TRHDE: variants seen among roughly 807,000 people sequenced by gnomAD.
TRHDE encodes thyrotropin-releasing hormone-degrading ectoenzyme.
TRHDE carries 72 observed loss-of-function variants against 125.7 expected under a neutral mutation model. That is an observed-to-expected ratio of 0.57 (90% confidence interval 0.47 to 0.70). The LOEUF is 0.70. Ranked by LOEUF, TRHDE falls within the 30% of genes least tolerant of loss-of-function variation. The pLI, the probability that TRHDE is intolerant of heterozygous loss-of-function variation, is 0.00. For missense variants in TRHDE, 1,110 were observed against 1,327.1 expected, an observed-to-expected ratio of 0.84 and a Z score of 2.54; for synonymous variants, 509 against 509.1, an observed-to-expected ratio of 1.00 and a Z score of 0.00.
chr12:72,580,155 T>C (rs1294305897), intron 12 of TRHDE, among the ~76,000 whole-genome samples: 1 of 152,180 alleles, frequency 6.6e-6, no homozygotes, highest in African/African-American at 2.4e-5. Context: ...CTTTTCAAAT[T>C]TGAGTTTTCC....
chr12:72,643,504 G>C (rs903498954), intron 15 of TRHDE, among the ~76,000 whole-genome samples: 4 of 152,118 alleles, frequency 2.6e-5, no homozygotes, highest in Admixed American at 2.6e-4. Context: ...CCTTGTTCTA[G>C]GCAGCTTTGC....
chr12:72,158,597 T>C (rs1218071192), intron 2 of TRHDE, among the ~76,000 whole-genome samples: 1 of 152,180 alleles, frequency 6.6e-6, no homozygotes, highest in African/African-American at 2.4e-5. Context: ...CTGGTATTAC[T>C]TTTTAAATAC....
intron 7 of TRHDE, among the ~76,000 whole-genome samples, chr12:72,552,779 G>T (rs1053252613): frequency 9.9e-5 from 15 of 152,168 alleles, no homozygotes; most frequent in Admixed American, 1.3e-4. Context: ...TTTCAAGGAA[G>T]GAGATAAGAA....
Position 72,456,392 on chromosome 12 carries a change from G to C in TRHDE, c.1316-13366G>C, listed in dbSNP as rs886989074. ...TCTGTATTTTAATATAGCACTTCAT[G>C]TTATGTGTATATTAGAGTACTGGCT... On this transcript the variant is annotated intron_variant, in intron 3 of 18. Coordinates refer to ENST00000261180, the MANE Select transcript of TRHDE (RefSeq NM_013381.3). Among the ~76,000 whole-genome samples, 15 of 152,166 alleles carry C rather than the reference G, an allele frequency of 9.9e-5. 1 individual carries two copies. The highest frequency in any genetic ancestry group is 2.6e-4 in the Admixed American group (4 of 15,276).
chr12:72,369,299 T>C (rs141524924), intron 2 of TRHDE, among the ~76,000 whole-genome samples: 43 of 152,230 alleles, frequency 2.8e-4, no homozygotes, highest in African/African-American at 1.0e-3. Context: ...CATAAGCATA[T>C]TTTTCCACAG....
intron 12 of TRHDE, among the ~76,000 whole-genome samples, chr12:72,599,099 A>G (rs558250767): frequency 1.3e-5 from 2 of 152,210 alleles, no homozygotes; most frequent in South Asian, 2.1e-4. Context: ...CATGGTGTAT[A>G]TGTACTATAT....
chr12:72,661,492 ATAAT>A (rs1874915319), intron 18 of TRHDE, among the ~76,000 whole-genome samples: 2 of 152,220 alleles, frequency 1.3e-5, no homozygotes, highest in African/African-American at 4.8e-5. Flanking sequence ...TCATATTTTT[ATAAT>A]AAATTAAAAC....
At position 72,386,604 on chromosome 12, in the gene TRHDE, A is replaced by AT. The variant is rs1237703135; in HGVS notation, c.1315+8489dup. On this transcript the variant is annotated intron_variant, in intron 3 of 18. Coordinates refer to ENST00000261180, the MANE Select transcript of TRHDE (RefSeq NM_013381.3). The stretch of plus-strand genomic sequence containing the variant: ...GCACATTCACTCCAGCTACTGACCC[A>AT]TTTTTTCTCCTTCCTTTTACAGTTA... Among the ~76,000 whole-genome samples, 15 of 151,950 alleles carry AT rather than the reference A, an allele frequency of 9.9e-5. No homozygotes were observed. In the South Asian group the frequency reaches 2.9e-3, roughly 30 times the overall value.
chr12:72,248,084 C>T (rs4315125), intron 2 of TRHDE, among the ~76,000 whole-genome samples: 115,378 of 152,052 alleles, frequency 0.76, 44,895 homozygotes, highest in Non-Finnish European at 0.85. Flanking sequence ...TACATATGTA[C>T]GCACATATAC....
At chr12:72,406,399 G>A (rs1873267870) in intron 3 of TRHDE, among the ~76,000 whole-genome samples, 1 of 152,136 alleles carries the variant, frequency 6.6e-6, no homozygotes, top group Non-Finnish European at 1.5e-5. Context: ...TTGCTTCTGA[G>A]CAGAGGTCAA....
chr12:72,265,723 T>C (rs1478033450), intron 2 of TRHDE, among the ~76,000 whole-genome samples: 3 of 152,002 alleles, frequency 2.0e-5, no homozygotes, highest in East Asian at 3.8e-4. Flanking sequence ...ATTTGTTATA[T>C]ATACACATAT....
At chr12:72,251,701 T>G (rs1383020445) in intron 2 of TRHDE, among the ~76,000 whole-genome samples, 3 of 152,110 alleles carry the variant, frequency 2.0e-5, no homozygotes, top group South Asian at 2.1e-4. Context: ...ACTGCTGGGA[T>G]GTATGGTAAC....
intron 2 of TRHDE, among the ~76,000 whole-genome samples, chr12:72,118,498 A>G (rs1435258526): frequency 1.3e-5 from 2 of 152,118 alleles, no homozygotes; most frequent in African/African-American, 4.8e-5. Context: ...CATCAGGGAT[A>G]TTGGCCAGTA....
intron 2 of TRHDE, among the ~76,000 whole-genome samples, chr12:72,362,893 CT>C (rs1408347849): frequency 6.6e-6 from 1 of 152,004 alleles, no homozygotes; most frequent in Non-Finnish European, 1.5e-5. Context: ...GACATTATTT[CT>C]GAGGGCTCTG....
At chr12:72,414,791 A>G (rs1372135857) in intron 3 of TRHDE, among the ~76,000 whole-genome samples, 3 of 152,140 alleles carry the variant, frequency 2.0e-5, no homozygotes, top group African/African-American at 7.2e-5. Context: ...TAATTTATTC[A>G]TTTACTGCTC....
intron 2 of TRHDE, among the ~76,000 whole-genome samples, chr12:72,204,246 A>C (rs1174867824): frequency 6.6e-6 from 1 of 152,098 alleles, no homozygotes; most frequent in African/African-American, 2.4e-5. Flanking sequence ...TTTTCCTCCT[A>C]CATGGCTGTT....
intron 12 of TRHDE, among the ~76,000 whole-genome samples, chr12:72,583,268 A>G (rs1458378446): frequency 6.6e-6 from 1 of 152,210 alleles, no homozygotes; most frequent in Non-Finnish European, 1.5e-5. Context: ...GCCATTGACC[A>G]AAAGTTATTA....
chr12:72,456,137 A>G (rs938103691), intron 3 of TRHDE, among the ~76,000 whole-genome samples: 3 of 71,796 alleles, frequency 4.2e-5, no homozygotes. Flanking sequence ...TTACACACAC[A>G]CACACACACA....
At chr12:72,575,082 T>C (rs1479206161) in intron 10 of TRHDE, among the ~76,000 whole-genome samples, 173 bp from the exon 11 acceptor site, 1 of 152,090 alleles carries the variant, frequency 6.6e-6, no homozygotes, top group Non-Finnish European at 1.5e-5. Context: ...CAATTAAAAG[T>C]TTTTCTAGCA....
Sources: allele counts gnomAD v4.1 joint callset (sites outside exome capture counted in the v4.1 genomes callset), GRCh38; gene constraint gnomAD v4.1.1; transcripts MANE v1.5; gene names NCBI Gene and HGNC (gene_info 2026-07-23, HGNC 2026-07-21).